Variants in PACRG observed in about 807,000 individuals in gnomAD.
The protein encoded by PACRG is parkin coregulated.
A neutral mutation model predicts 29.7 loss-of-function variants in PACRG; 29 were observed. The observed-to-expected ratio is 0.98, with a 90% CI of 0.73 to 1.33. The LOEUF is 1.33. Ranked by LOEUF, PACRG falls within the 40% of genes most tolerant of loss-of-function variation. The probability of loss-of-function intolerance (pLI) is 0.00; values close to 1 mark genes in which losing one functional copy is unlikely to be tolerated. For missense variants in PACRG, 279 were observed against 316.2 expected (o/e 0.88, Z 0.89); for synonymous variants, 116 against 118.7 (o/e 0.98, Z 0.15).
chr6:163,213,169 G>A (rs1781223351), intron 4 of PACRG, among the ~76,000 whole-genome samples: 1 of 152,138 alleles, frequency 6.6e-6, no homozygotes, highest in Admixed American at 6.5e-5. Flanking sequence ...AGCACAGTGG[G>A]ATATATCTGC....
At chr6:162,876,910 G>A (rs1417681783) in intron 2 of PACRG, among the ~76,000 whole-genome samples, 1 of 152,004 alleles carries the variant, frequency 6.6e-6, no homozygotes, top group Non-Finnish European at 1.5e-5. Context: ...AGGGGTCCAC[G>A]CCAGTTAGAA....
At chr6:162,737,835 A>T (rs1584186180) in intron 1 of PACRG, among the ~76,000 whole-genome samples, 2 of 152,246 alleles carry the variant, frequency 1.3e-5, no homozygotes, top group Middle Eastern at 3.4e-3. Flanking sequence ...AATATAATTT[A>T]TCATTCCATG....
At chr6:163,146,687 G>T (rs567306381) in intron 4 of PACRG, among the ~76,000 whole-genome samples, 1 of 152,288 alleles carries the variant, frequency 6.6e-6, no homozygotes, top group African/African-American at 2.4e-5. Context: ...TTTACATGGG[G>T]TGTTCAACCT....
At chr6:162,969,687 G>A (rs148893379) in intron 2 of PACRG, among the ~76,000 whole-genome samples, 170 of 152,070 alleles carry the variant, frequency 1.1e-3, no homozygotes, top group Non-Finnish European at 1.8e-3. Flanking sequence ...CTCCTGGAGG[G>A]CCTCGGCATG....
chr6:163,039,265 T>G (rs1808479721), intron 2 of PACRG, among the ~76,000 whole-genome samples: 1 of 152,216 alleles, frequency 6.6e-6, no homozygotes, highest in African/African-American at 2.4e-5. Flanking sequence ...TCCTGAGGCC[T>G]TCCCAGTGAT....
intron 2 of PACRG, among the ~76,000 whole-genome samples, chr6:163,007,697 A>G (rs1225097904): frequency 6.6e-6 from 1 of 152,088 alleles, no homozygotes; most frequent in Non-Finnish European, 1.5e-5. Flanking sequence ...GCCTTGAGAA[A>G]CTATTTTATC....
chr6:163,053,022 C>A (rs1810182790), intron 2 of PACRG, among the ~76,000 whole-genome samples: 2 of 152,106 alleles, frequency 1.3e-5, no homozygotes, highest in South Asian at 4.1e-4. Context: ...ATGTCTAAAA[C>A]ATTCCTTGTT....
intron 1 of PACRG, among the ~76,000 whole-genome samples, chr6:162,804,793 A>G (rs1562614405): frequency 1.3e-5 from 2 of 152,296 alleles, no homozygotes; most frequent in South Asian, 4.1e-4. Context: ...TAAAGACTCT[A>G]TAGGATGCTT....
intron 1 of PACRG, among the ~76,000 whole-genome samples, chr6:162,739,685 AC>A (rs1471535947): frequency 6.6e-6 from 1 of 151,986 alleles, no homozygotes; most frequent in African/African-American, 2.4e-5. Flanking sequence ...CTACTAAAAT[AC>A]AAAAAATTAG....
At chr6:163,197,820 T>C (rs1780540347) in intron 4 of PACRG, among the ~76,000 whole-genome samples, 1 of 152,146 alleles carries the variant, frequency 6.6e-6, no homozygotes, top group African/African-American at 2.4e-5. Context: ...AGGGAGCAAT[T>C]CAGAGCAGGG....
intron 2 of PACRG, among the ~76,000 whole-genome samples, chr6:162,994,120 C>T (rs1327167770): frequency 7.4e-5 from 10 of 134,692 alleles, no homozygotes; most frequent in Admixed American, 2.1e-4. Flanking sequence ...CGCTGTTAGT[C>T]TGATGGGCTT....
At chr6:163,070,683 T>C (rs555125068) in intron 3 of PACRG, among the ~76,000 whole-genome samples, 7 of 151,314 alleles carry the variant, frequency 4.6e-5, no homozygotes, top group Admixed American at 6.6e-5. Context: ...AATATCAAAA[T>C]GACCATAGTG....
intron 4 of PACRG, among the ~76,000 whole-genome samples, chr6:163,246,662 T>C (rs1198147170): frequency 1.3e-5 from 2 of 152,226 alleles, no homozygotes; most frequent in Non-Finnish European, 2.9e-5. Context: ...GATGATTATG[T>C]GACGTTAGAA....
chr6:163,224,981 C>T (rs1030627237), intron 4 of PACRG, among the ~76,000 whole-genome samples: 1 of 152,096 alleles, frequency 6.6e-6, no homozygotes, highest in African/African-American at 2.4e-5. Flanking sequence ...ATATAAGGAA[C>T]TCAAACAATT....
At chr6:162,852,020 G>GAAGGAAGGAAGGAAGGAAGGAAGGA (rs1790947362) in intron 2 of PACRG, among the ~76,000 whole-genome samples, 8 of 136,412 alleles carry the variant, frequency 5.9e-5, no homozygotes, top group Admixed American at 7.3e-5. Flanking sequence ...AGGAAGGAAG[G>GAAGGAAGGAAGGAAGGAAGGAAGGA]AAGGAAGGAA....
At chr6:162,727,635 G>A (rs994878069), upstream of PACRG, 16 of 1,581,712 alleles carry the variant, frequency 1.0e-5, no homozygotes, top group South Asian at 1.4e-4. Context: ...GGCGCAGAGA[G>A]GCTGTACCTG....
At chr6:162,911,328 G>T (rs1283899483) in intron 2 of PACRG, among the ~76,000 whole-genome samples, 1 of 152,180 alleles carries the variant, frequency 6.6e-6, no homozygotes, top group Non-Finnish European at 1.5e-5. Flanking sequence ...GTACAAGTGT[G>T]TGAGATTTTC....
At chr6:162,800,544 G>C (rs1485763119) in intron 1 of PACRG, among the ~76,000 whole-genome samples, 1 of 152,154 alleles carries the variant, frequency 6.6e-6, no homozygotes, top group Non-Finnish European at 1.5e-5. Context: ...TATTACAGAA[G>C]CATTTTTAAA....
chr6:162,947,627 TATATATATATATATATATATAC>T (rs1351057718), intron 2 of PACRG, among the ~76,000 whole-genome samples: 2 of 61,114 alleles, frequency 3.3e-5, no homozygotes, highest in African/African-American at 1.3e-4. Context: ...TATATATATA[TATATATATATATATATATATAC>T]ACCCAAAGAT....
Sources: gnomAD v4.1 joint callset for allele counts (sites outside exome capture counted in the v4.1 genomes callset) on GRCh38, gnomAD v4.1.1 for gene constraint, MANE v1.5 for transcripts, NCBI Gene and HGNC (gene_info 2026-07-23, HGNC 2026-07-21) for gene names.